MAPK10: variants seen among roughly 807,000 people sequenced by gnomAD.
The protein encoded by MAPK10 is mitogen-activated protein kinase 10.
MAPK10 carries 25 observed loss-of-function variants against 59.3 expected under a neutral mutation model. That is an observed-to-expected ratio of 0.42 (90% CI 0.31 to 0.59). MAPK10 has a LOEUF of 0.59. Among genes scored for constraint, MAPK10 ranks in the 20% least tolerant of loss-of-function variants. The probability of loss-of-function intolerance (pLI) is 0.15; values close to 1 mark genes in which losing one functional copy is unlikely to be tolerated. For synonymous variants in MAPK10, 190 were observed against 200.5 expected, an observed-to-expected ratio of 0.95 and a Z score of 0.44; for missense variants, 351 against 568.9, an observed-to-expected ratio of 0.62 and a Z score of 3.90.
chr4:86,392,070 C>T lies in MAPK10; in HGVS notation c.-121-37426G>A, dbSNP rs544285722. Among the ~76,000 whole-genome samples the T allele has an allele frequency of 8.5e-5, 13 of 152,200 alleles. No individual in the cohort carries two copies. The East Asian group carries it at 2.5e-3, about 29-fold the overall frequency. On this transcript the variant is annotated intron_variant, in intron 1 of 13. Coordinates refer to the MAPK10 transcript ENST00000361569. The stretch of plus-strand genomic sequence containing the variant: ...AAGTGGAGTATCTCTTACACTGGAT[C>T]GGGTGTTATCATGCTGTGAGCCTGG...
chr4:86,055,362 A>C (rs1370400278), intron 11 of MAPK10, among the ~76,000 whole-genome samples: 2 of 149,830 alleles, frequency 1.3e-5, no homozygotes, highest in Admixed American at 1.3e-4. Context: ...ATATTCCTAA[A>C]ATGCTAGAAA....
At chr4:86,186,320 T>C (rs1336404693) in intron 3 of MAPK10, among the ~76,000 whole-genome samples, 1 of 152,102 alleles carries the variant, frequency 6.6e-6, no homozygotes. Context: ...TTAGAGAAGT[T>C]GTCTAATGGC....
intron 2 of MAPK10, among the ~76,000 whole-genome samples, chr4:86,271,513 T>C (rs2094432818): frequency 6.6e-6 from 1 of 152,012 alleles, no homozygotes; most frequent in South Asian, 2.1e-4. Flanking sequence ...TATTCTGTGA[T>C]GCTAAGGTTT....
intron 1 of MAPK10, among the ~76,000 whole-genome samples, chr4:86,430,167 A>C (rs947576058): frequency 6.6e-6 from 1 of 152,242 alleles, no homozygotes. Context: ...CCTACTACGT[A>C]CCCATGTAGA....
intron 2 of MAPK10, among the ~76,000 whole-genome samples, chr4:86,201,770 G>C (rs2082669906): frequency 6.6e-6 from 1 of 151,636 alleles, no homozygotes; most frequent in South Asian, 2.1e-4. Context: ...CAGGTTCACA[G>C]AGATATTCTC....
intron 4 of MAPK10, among the ~76,000 whole-genome samples, chr4:86,113,449 G>A (rs2057834313): frequency 6.6e-6 from 1 of 152,102 alleles, no homozygotes; most frequent in Non-Finnish European, 1.5e-5. Context: ...GTCTGAAAAG[G>A]ATTTTATTTC....
chr4:86,591,455 C>T (rs1257782876), intron 1 of MAPK10, among the ~76,000 whole-genome samples: 3 of 152,082 alleles, frequency 2.0e-5, no homozygotes, highest in Non-Finnish European at 2.9e-5. Context: ...CTCACTTCAG[C>T]CTCGACATCC....
At chr4:86,168,973 G>A (rs993552288) in intron 3 of MAPK10, among the ~76,000 whole-genome samples, 11 of 152,100 alleles carry the variant, frequency 7.2e-5, no homozygotes, top group Non-Finnish European at 5.9e-5. Flanking sequence ...TGGACCTCTA[G>A]CAAACTCCAA....
intron 11 of MAPK10, chr4:86,031,876 A>G (rs2148919037): frequency 6.3e-6 from 1 of 157,742 alleles, no homozygotes; most frequent in Non-Finnish European, 1.4e-5. Context: ...CCCTAAAGAA[A>G]AGTTTATATT....
intron 2 of MAPK10, chr4:86,340,387 CCAG>C (rs1199170913): frequency 6.5e-6 from 1 of 153,066 alleles, no homozygotes; most frequent in Non-Finnish European, 1.5e-5. Context: ...CAGGAAACTT[CCAG>C]TCATGGCAGA....
At chr4:86,102,927 A>G (rs1229333465) in intron 6 of MAPK10, 2 of 295,990 alleles carry the variant, frequency 6.8e-6, no homozygotes, top group Non-Finnish European at 1.3e-5. Context: ...ATGGAACAAC[A>G]AAGTATATAA....
intron 2 of MAPK10, among the ~76,000 whole-genome samples, chr4:86,261,529 A>G (rs1468673107): frequency 6.6e-6 from 1 of 152,182 alleles, no homozygotes; most frequent in Non-Finnish European, 1.5e-5. Context: ...TCTTTAATTC[A>G]CTTTCTAGAT....
At chr4:86,205,482 T>C (rs1484255109) in intron 2 of MAPK10, among the ~76,000 whole-genome samples, 1 of 151,990 alleles carries the variant, frequency 6.6e-6, no homozygotes, top group Non-Finnish European at 1.5e-5. Context: ...TCCTATTAAT[T>C]TGTTGAGGTT....
chr4:86,400,329 T>C (rs1318537916), intron 1 of MAPK10, among the ~76,000 whole-genome samples: 1 of 152,114 alleles, frequency 6.6e-6, no homozygotes, highest in Admixed American at 6.6e-5. Context: ...CAAGATAAAG[T>C]GTCGTATTAC....
At position 86,544,817 on chromosome 4, in the gene MAPK10, AGCAGCTTCATG is replaced by A. The variant is rs551423665; in HGVS notation, c.-263+49082_-263+49092del. Among the ~76,000 whole-genome samples the A allele has an allele frequency of 8.3e-4, 127 of 152,250 alleles. 1 individual carries two copies. The highest frequency in any genetic ancestry group is 2.9e-3 in the African/African-American group (119 of 41,556). On this transcript the variant is annotated intron_variant, in intron 1 of 4. Transcript: ENST00000502302. ...GTGAACAAAAGGCTTTTGCTGACAT[AGCAGCTTCATG>A]GTTGCACACACAGCCCATAATATCC...
intron 1 of MAPK10, among the ~76,000 whole-genome samples, chr4:86,371,680 C>A (rs1235776798): frequency 1.3e-5 from 2 of 152,108 alleles, no homozygotes; most frequent in African/African-American, 4.8e-5. Flanking sequence ...AACTGAGGTA[C>A]CGGGCTCATC....
intron 1 of MAPK10, among the ~76,000 whole-genome samples, chr4:86,502,357 T>C (rs750392205): frequency 6.6e-6 from 1 of 152,100 alleles, no homozygotes; most frequent in Non-Finnish European, 1.5e-5. Flanking sequence ...CTAAAGAAGC[T>C]TAACATTATT....
chr4:86,208,214 A>T lies in MAPK10; in HGVS notation c.-6-13807T>A, dbSNP rs1285329667. Among the ~76,000 whole-genome samples the T allele has an allele frequency of 2.6e-5, 4 of 152,126 alleles. No homozygotes were observed. The East Asian group carries it at 7.7e-4, about 29-fold the overall frequency. ...AAACTATTCCAATCAATAGAAAAAGAGGGAATCCTCCCTAACTCATTTTAT... is the reference window on the plus strand; with the variant it reads ...AAACTATTCCAATCAATAGAAAAAGTGGGAATCCTCCCTAACTCATTTTAT... On this transcript the variant is annotated intron_variant, in intron 2 of 13. Coordinates refer to ENST00000641462, the MANE Select transcript of MAPK10 (RefSeq NM_138982.4).
intron 2 of MAPK10, among the ~76,000 whole-genome samples, chr4:86,285,878 C>T (rs1186376088): frequency 6.6e-6 from 1 of 152,112 alleles, no homozygotes; most frequent in African/African-American, 2.4e-5. Flanking sequence ...CCAGGAGCTC[C>T]AATGTCTGAG....
Sources: gnomAD v4.1 joint callset for allele counts (sites outside exome capture counted in the v4.1 genomes callset) on GRCh38, gnomAD v4.1.1 for gene constraint, MANE v1.5 for transcripts, NCBI Gene and HGNC (gene_info 2026-07-23, HGNC 2026-07-21) for gene names.